CCDC171: variants seen among roughly 807,000 people sequenced by gnomAD.
The protein encoded by CCDC171 is coiled-coil domain containing 171.
Under a neutral mutation model 168.2 loss-of-function variants are expected in CCDC171, and 177 were observed. The ratio of observed to expected loss-of-function variants is 1.05; its 90% CI spans 0.93 to 1.19. The LOEUF is 1.19. Among genes scored for constraint, CCDC171 ranks in the 50% most tolerant of loss-of-function variants. CCDC171 has a pLI of 0.00. For missense variants in CCDC171, 1,991 were observed against 1,539.0 expected (o/e 1.29, Z -4.91); for synonymous variants, 687 against 540.8 (o/e 1.27, Z -3.75).
At chr9:15,604,323 C>T (rs895687942) in intron 6 of CCDC171, among the ~76,000 whole-genome samples, 2 of 152,088 alleles carry the variant, frequency 1.3e-5, no homozygotes, top group African/African-American at 2.4e-5. Context: ...GAAATCTTTG[C>T]CCTGCCACAA....
At chr9:15,875,771 GA>G (rs941580307) in intron 24 of CCDC171, 84 of 151,560 alleles carry the variant, frequency 5.5e-4, no homozygotes, top group African/African-American at 1.9e-3. Flanking sequence ...GCTCTACAAG[GA>G]AAAAAATACT....
intron 3 of CCDC171, among the ~76,000 whole-genome samples, chr9:15,989,952 T>C (rs893789054): frequency 2.0e-5 from 3 of 152,190 alleles, no homozygotes; most frequent in Admixed American, 6.5e-5. Flanking sequence ...CTATGTCTGA[T>C]TGGTGTACTT....
chr9:15,654,892 T>G (rs2047806010), intron 7 of CCDC171, among the ~76,000 whole-genome samples: 1 of 152,062 alleles, frequency 6.6e-6, no homozygotes, highest in Non-Finnish European at 1.5e-5. Context: ...GGGACATGGA[T>G]GAAGCTGGAA....
At position 15,578,845 on chromosome 9, in the gene CCDC171, T is replaced by G. The variant is rs769227358; in HGVS notation, c.178-4T>G. 10 of 1,611,122 alleles carry G rather than the reference T, an allele frequency of 6.2e-6. No homozygotes were observed. The South Asian group carries it at 9.9e-5, about 16-fold the overall frequency. ...ACATGTTGATATCAGGAATCTGTTTTTAGCTGGCAAGCTATGAGAGCCAGA... is the reference window on the plus strand; with the variant it reads ...ACATGTTGATATCAGGAATCTGTTTGTAGCTGGCAAGCTATGAGAGCCAGA... On this transcript the variant is annotated splice_region_variant and splice_polypyrimidine_tract_variant and intron_variant, in intron 3 of 25. Coordinates refer to ENST00000380701, the MANE Select transcript of CCDC171 (RefSeq NM_173550.4).
chr9:15,999,364 C>CAGGG (rs962665128), intron 3 of CCDC171, among the ~76,000 whole-genome samples: 1 of 127,742 alleles, frequency 7.8e-6, no homozygotes, highest in Non-Finnish European at 1.6e-5. Flanking sequence ...GGTGAGCAAG[C>CAGGG]AGGGAGGGAG....
chr9:16,012,321 G>A (rs1017630690), intron 3 of CCDC171, among the ~76,000 whole-genome samples: 2 of 152,056 alleles, frequency 1.3e-5, no homozygotes, highest in South Asian at 2.1e-4. Flanking sequence ...ATCTGGGCAC[G>A]GTTCTTCTAC....
chr9:15,594,283 T>A (rs1587245986), intron 6 of CCDC171, 111 bp downstream of exon 6: 1 of 655,872 alleles, frequency 1.5e-6, no homozygotes, highest in East Asian at 3.1e-5. Flanking sequence ...TTTCTAGTTT[T>A]GATTCTGGAA....
At chr9:15,634,711 G>A (rs2046059362) in intron 7 of CCDC171, among the ~76,000 whole-genome samples, 1 of 152,152 alleles carries the variant, frequency 6.6e-6, no homozygotes, top group South Asian at 2.1e-4. Context: ...GGTTTTTAGT[G>A]TATTCACAGC....
intron 3 of CCDC171, among the ~76,000 whole-genome samples, chr9:16,000,362 C>T (rs1346858624): frequency 6.6e-6 from 1 of 152,108 alleles, no homozygotes; most frequent in Non-Finnish European, 1.5e-5. Context: ...CCCCTTGAGG[C>T]AATGTGTGTC....
intron 3 of CCDC171, among the ~76,000 whole-genome samples, chr9:15,985,305 G>A (rs536916465): frequency 1.2e-4 from 19 of 152,214 alleles, no homozygotes; most frequent in Admixed American, 4.6e-4. Context: ...TAAGGTTCAA[G>A]TGCGAGATAC....
intron 6 of CCDC171, among the ~76,000 whole-genome samples, chr9:16,028,082 G>C (rs531623312): frequency 1.3e-5 from 2 of 152,152 alleles, no homozygotes; most frequent in South Asian, 4.2e-4. Context: ...ATTCCAGGGA[G>C]GGGGGCCAGC....
At chr9:16,022,628 C>G (rs1405572709) in intron 5 of CCDC171, 1 of 152,254 alleles carries the variant, frequency 6.6e-6, no homozygotes, top group Admixed American at 6.5e-5. Context: ...GCTTTATATT[C>G]CCTCTAAGTG....
At chr9:15,888,453 G>T (rs1280701134) in intron 24 of CCDC171, among the ~76,000 whole-genome samples, 1 of 152,080 alleles carries the variant, frequency 6.6e-6, no homozygotes, top group East Asian at 1.9e-4. Flanking sequence ...ATAAAGTAAT[G>T]CAAACATTTC....
intron 18 of CCDC171, chr9:15,776,230 A>T (rs1481238836): frequency 6.6e-6 from 1 of 152,184 alleles, no homozygotes; most frequent in Non-Finnish European, 1.5e-5. Context: ...GCGCAGGGCC[A>T]TGCTAATCTT....
chr9:15,738,644 C>T (rs2054646210), intron 16 of CCDC171, among the ~76,000 whole-genome samples: 1 of 151,714 alleles, frequency 6.6e-6, no homozygotes, highest in Admixed American at 6.6e-5. Flanking sequence ...AGCAAATTTG[C>T]TCTATAGCTG....
chr9:15,740,262 A>G (rs1251734939), intron 16 of CCDC171, among the ~76,000 whole-genome samples: 1 of 152,124 alleles, frequency 6.6e-6, no homozygotes, highest in South Asian at 2.1e-4. Context: ...TTTTTCCAGA[A>G]GGCCATCCAG....
chr9:15,688,356 C>T (rs1230619570), intron 10 of CCDC171, among the ~76,000 whole-genome samples: 1 of 152,042 alleles, frequency 6.6e-6, no homozygotes. Context: ...GATAACACTT[C>T]CCATATCATT....
At chr9:15,893,993 AC>A (rs1416696717) in intron 24 of CCDC171, among the ~76,000 whole-genome samples, 1 of 152,180 alleles carries the variant, frequency 6.6e-6, no homozygotes, top group Non-Finnish European at 1.5e-5. Context: ...TCGTTGTAGC[AC>A]TGTTCACAAT....
At chr9:15,604,490 C>G (rs2043081238) in intron 6 of CCDC171, among the ~76,000 whole-genome samples, 1 of 152,034 alleles carries the variant, frequency 6.6e-6, no homozygotes, top group South Asian at 2.1e-4. Context: ...ATTTCATTTC[C>G]AAAATTCTAT....
Sources: allele counts gnomAD v4.1 joint callset (sites outside exome capture counted in the v4.1 genomes callset), GRCh38; gene constraint gnomAD v4.1.1; transcripts MANE v1.5; gene names NCBI Gene and HGNC (gene_info 2026-07-23, HGNC 2026-07-21).